Variants in CSGALNACT1 observed in about 807,000 individuals in gnomAD.
The protein encoded by CSGALNACT1 is beta4GalNAcT-1.
CSGALNACT1 carries 52 observed loss-of-function variants against 51.0 expected under a neutral mutation model. That is an observed-to-expected ratio of 1.02 (90% CI 0.82 to 1.29). CSGALNACT1 has a LOEUF of 1.29. Among genes scored for constraint, CSGALNACT1 ranks in the 50% most tolerant of loss-of-function variants. The probability of loss-of-function intolerance (pLI) is 0.00; values close to 1 mark genes in which losing one functional copy is unlikely to be tolerated. For missense variants in CSGALNACT1, 935 were observed against 679.2 expected, an observed-to-expected ratio of 1.38 and a Z score of -4.19; for synonymous variants, 341 against 254.4, an observed-to-expected ratio of 1.34 and a Z score of -3.24.
At chr8:19,628,370 A>T (rs759412571) in intron 1 of CSGALNACT1, among the ~76,000 whole-genome samples, 7 of 152,066 alleles carry the variant, frequency 4.6e-5, no homozygotes, top group Non-Finnish European at 1.0e-4. Context: ...TCTCATGAGG[A>T]CTCCCTCACT....
intron 1 of CSGALNACT1, among the ~76,000 whole-genome samples, chr8:19,742,995 G>A (rs2064412167): frequency 6.6e-6 from 1 of 152,122 alleles, no homozygotes; most frequent in Non-Finnish European, 1.5e-5. Context: ...CCCTTCCCTT[G>A]TTTGATCTTT....
intron 2 of CSGALNACT1, among the ~76,000 whole-genome samples, chr8:19,601,364 T>C (rs1315012059): frequency 6.6e-6 from 1 of 152,234 alleles, no homozygotes. Flanking sequence ...GAGTACCTAT[T>C]TGATGACAGG....
chr8:19,688,016 A>G (rs1428556452), intron 1 of CSGALNACT1, among the ~76,000 whole-genome samples: 1 of 152,184 alleles, frequency 6.6e-6, no homozygotes, highest in Non-Finnish European at 1.5e-5. Context: ...ACCGTTTAGA[A>G]TCTACTTTAT....
chr8:19,669,421 G>GT (rs1564392212), intron 1 of CSGALNACT1, among the ~76,000 whole-genome samples: 2 of 152,078 alleles, frequency 1.3e-5, no homozygotes. Context: ...AATAAAAACT[G>GT]TAAACCGTTT....
rs893728783 is a variant in CSGALNACT1 at position 19,631,314 on chromosome 8, C to T, written c.-543-29449G>A. Among the ~76,000 whole-genome samples, 13 of 152,194 alleles carry T rather than the reference C, an allele frequency of 8.5e-5. No individual in the cohort carries two copies. In the South Asian group the frequency reaches 1.2e-3, roughly 15 times the overall value. On this transcript the variant is annotated intron_variant, in intron 1 of 9. Coordinates refer to the CSGALNACT1 transcript ENST00000332246. ...CAAGTGGCTATACCATTTTGCACTC[C>T]CACCAGCAATGAATGGAGTTTCTGT...
intron 4 of CSGALNACT1, among the ~76,000 whole-genome samples, chr8:19,478,282 C>T (rs1402394611): frequency 6.6e-6 from 1 of 151,902 alleles, no homozygotes; most frequent in Admixed American, 6.6e-5. Context: ...GGTGTGGTGG[C>T]GGGCACCTGT....
At chr8:19,581,710 T>C (rs10104968) in intron 3 of CSGALNACT1, among the ~76,000 whole-genome samples, 5,077 of 152,290 alleles carry the variant, frequency 0.033, 306 homozygotes, top group African/African-American at 0.11. Context: ...GTAAAATACA[T>C]CAGCTACAGA....
In CSGALNACT1 at chr8:19,431,338, C is replaced by A. The variant is rs141979836; in HGVS notation, c.953+8492G>T. Among the ~76,000 whole-genome samples the A allele has an allele frequency of 2.6e-3, 397 of 152,034 alleles. 7 individuals are homozygous for A. The South Asian group carries it at 0.038, about 15-fold the overall frequency. On this transcript the variant is annotated intron_variant, in intron 6 of 9. Coordinates refer to ENST00000454498, the Ensembl canonical transcript of CSGALNACT1. ...TGTCCTTTATTAGGTTAAAGAAGTT[C>A]TCTTCTAGTCCTAGTTTGAGGATTT...
chr8:19,613,041 C>A (rs1210231837), intron 1 of CSGALNACT1, among the ~76,000 whole-genome samples: 1 of 142,440 alleles, frequency 7.0e-6, no homozygotes, highest in Non-Finnish European at 1.5e-5. Flanking sequence ...TTTTCATATC[C>A]ATATTTTGGG....
intron 1 of CSGALNACT1, among the ~76,000 whole-genome samples, chr8:19,650,186 C>T (rs1247108626): frequency 1.3e-5 from 2 of 152,102 alleles, no homozygotes; most frequent in Non-Finnish European, 2.9e-5. Flanking sequence ...AGCAAGGCAC[C>T]AGGCAATACA....
chr8:19,515,054 T>C (rs1022236118), intron 3 of CSGALNACT1, among the ~76,000 whole-genome samples: 3 of 152,080 alleles, frequency 2.0e-5, no homozygotes, highest in African/African-American at 7.2e-5. Flanking sequence ...CCACAACTGA[T>C]TCCAGGTCCC....
At chr8:19,445,342 G>A (rs760422797) in intron 5 of CSGALNACT1, among the ~76,000 whole-genome samples, 2 of 152,210 alleles carry the variant, frequency 1.3e-5, no homozygotes, top group South Asian at 2.1e-4. Flanking sequence ...TCAGGAGAGG[G>A]TCACCTGCTA....
exon 10 of CSGALNACT1, chr8:19,404,187 G>T (rs1290524469): frequency 2.8e-6 from 1 of 356,262 alleles, no homozygotes. Flanking sequence ...TATTTTATTA[G>T]CTGTGCAATA....
At chr8:19,530,832 A>G (rs1449617912) in intron 3 of CSGALNACT1, among the ~76,000 whole-genome samples, 1 of 152,220 alleles carries the variant, frequency 6.6e-6, no homozygotes, top group Non-Finnish European at 1.5e-5. Context: ...GGTGAGGAAA[A>G]AAGAGTCACA....
At chr8:19,466,058 C>G (rs1482866408) in intron 4 of CSGALNACT1, among the ~76,000 whole-genome samples, 2 of 152,088 alleles carry the variant, frequency 1.3e-5, no homozygotes, top group Non-Finnish European at 2.9e-5. Context: ...AGAATTTTGA[C>G]AGTTGTTTAA....
chr8:19,551,894 A>G (rs1588211457), intron 3 of CSGALNACT1, among the ~76,000 whole-genome samples: 1 of 152,198 alleles, frequency 6.6e-6, no homozygotes, highest in Non-Finnish European at 1.5e-5. Context: ...ATTGTCCTAT[A>G]TAACCGTAAG....
intron 1 of CSGALNACT1, among the ~76,000 whole-genome samples, chr8:19,720,847 G>A (rs1413831871): frequency 6.6e-6 from 1 of 152,184 alleles, no homozygotes; most frequent in African/African-American, 2.4e-5. Flanking sequence ...ACATCACAAC[G>A]AAGCCCCTGA....
intron 1 of CSGALNACT1, among the ~76,000 whole-genome samples, chr8:19,723,730 A>G (rs1317824301): frequency 6.6e-6 from 1 of 152,224 alleles, no homozygotes. Context: ...CTAGTGATAC[A>G]TTGCACCATT....
intron 3 of CSGALNACT1, among the ~76,000 whole-genome samples, chr8:19,512,339 A>G (rs944130782): frequency 2.0e-5 from 3 of 152,228 alleles, no homozygotes; most frequent in African/African-American, 7.2e-5. Flanking sequence ...GATGACTGCA[A>G]CCAGAGAGCT....
Sources: allele counts gnomAD v4.1 joint callset (sites outside exome capture counted in the v4.1 genomes callset), GRCh38; gene constraint gnomAD v4.1.1; transcripts MANE v1.5; gene names NCBI Gene and HGNC (gene_info 2026-07-23, HGNC 2026-07-21).